The following HNMT variants were observed in gnomAD, a reference collection of about 807,000 sequenced individuals.
HNMT encodes the protein histamine N-methyltransferase.
Under a neutral mutation model 32.1 loss-of-function variants are expected in HNMT, and 30 were observed. The ratio of observed to expected loss-of-function variants is 0.93; its 90% CI spans 0.70 to 1.27. HNMT has a LOEUF of 1.27. Among genes scored for constraint, HNMT ranks in the 50% most tolerant of loss-of-function variants. HNMT has a pLI of 0.00. For missense variants in HNMT, 327 were observed against 346.0 expected (o/e 0.95, Z 0.43); for synonymous variants, 125 against 119.0 (o/e 1.05, Z -0.33).
intron 2 of HNMT, among the ~76,000 whole-genome samples, chr2:137,993,146 C>T (rs1239084431): frequency 6.6e-6 from 1 of 152,068 alleles, no homozygotes; most frequent in African/African-American, 2.4e-5. Flanking sequence ...TGCCTTTTGT[C>T]CTCCAAATGA....
intron 2 of HNMT, among the ~76,000 whole-genome samples, chr2:137,994,695 A>C (rs890393604): frequency 6.6e-6 from 1 of 152,198 alleles, no homozygotes. Context: ...AAACCTCTGT[A>C]CCCCAAATCA....
chr2:137,964,643 G>A lies in HNMT; in HGVS notation c.137+15G>A. 1.2e-6 allele frequency: 2 copies of A among 1,613,304 alleles called. No individual in the cohort carries two copies. The highest frequency in any genetic ancestry group is 1.1e-5 in the South Asian group (1 of 91,030). On this transcript the variant is annotated intron_variant, in intron 1 of 5. Coordinates refer to ENST00000280097, the MANE Select transcript of HNMT (RefSeq NM_006895.3). ...ATAATAGGAAGGTAACAAAAGGGACGTTGTTGTCAAAGGGACAAGCCTCAG... is the reference window on the plus strand; with the variant it reads ...ATAATAGGAAGGTAACAAAAGGGACATTGTTGTCAAAGGGACAAGCCTCAG...
At chr2:138,013,638 C>A in intron 5 of HNMT, 137 bp from the exon 6 acceptor site, 1 of 638,054 alleles carries the variant, frequency 1.6e-6, no homozygotes. Flanking sequence ...CTCTCTCCTC[C>A]TGTACTCCTT....
intron 2 of HNMT, among the ~76,000 whole-genome samples, chr2:137,995,592 G>C (rs546243690): frequency 6.6e-6 from 1 of 152,158 alleles, no homozygotes; most frequent in Admixed American, 6.6e-5. Flanking sequence ...GAAATACAAA[G>C]AGGAGCTGGT....
At position 137,997,534 on chromosome 2, in the gene HNMT, C is replaced by A. The variant is rs114095672; in HGVS notation, c.191-3384C>A. Among the ~76,000 whole-genome samples the A allele has an allele frequency of 3.3e-3, 504 of 152,178 alleles. 4 individuals are homozygous for A. The highest frequency in any genetic ancestry group is 4.7e-3 in the Non-Finnish European group (318 of 67,984). On this transcript the variant is annotated intron_variant, in intron 2 of 5. Transcript: ENST00000280097. ...AACATCAGGAAACAATAGATGCTGG[C>A]AAAGCCGTGGAGAGATAGGAGCACT...
At chr2:137,969,149 C>T (rs1316915690) in intron 1 of HNMT, among the ~76,000 whole-genome samples, 1 of 152,204 alleles carries the variant, frequency 6.6e-6, no homozygotes, top group African/African-American at 2.4e-5. Context: ...CGGGCTTTCT[C>T]TGCCTCCAAT....
At chr2:137,969,584 G>T (rs969442788) in intron 1 of HNMT, among the ~76,000 whole-genome samples, 13 of 151,992 alleles carry the variant, frequency 8.6e-5, no homozygotes, top group Admixed American at 2.0e-4. Context: ...CTAACAGCAA[G>T]TCCTACTGGC....
chr2:137,971,934 A>G lies in HNMT; in HGVS notation c.190+1717A>G, dbSNP rs115426636. ...ATAGTTCAGTAATGGTTACAACTCG[A>G]TATCAAGTGGACACTATTGTCACTT... On this transcript the variant is annotated intron_variant, in intron 2 of 5. Coordinates refer to ENST00000280097, the MANE Select transcript of HNMT (RefSeq NM_006895.3). 5.9e-3 allele frequency among the ~76,000 whole-genome samples: 898 copies of G among 152,278 alleles called. 8 individuals are homozygous for G. Among genetic ancestry groups the G allele is most frequent in the African/African-American group, 0.021 (862 of 41,558 alleles).
intron 5 of HNMT, among the ~76,000 whole-genome samples, chr2:138,009,067 C>A (rs1199088006): frequency 6.6e-6 from 1 of 151,756 alleles, no homozygotes; most frequent in Non-Finnish European, 1.5e-5. Context: ...GAGAAACAAC[C>A]CCATTAAAAC....
At chr2:137,995,448 C>G (rs1367595780) in intron 2 of HNMT, among the ~76,000 whole-genome samples, 1 of 152,096 alleles carries the variant, frequency 6.6e-6, no homozygotes, top group Non-Finnish European at 1.5e-5. Context: ...CACATACACC[C>G]TACTAAGACT....
chr2:137,978,999 T>C (rs1225675440), intron 2 of HNMT, among the ~76,000 whole-genome samples: 2 of 141,840 alleles, frequency 1.4e-5, no homozygotes, highest in Non-Finnish European at 3.0e-5. Context: ...TGGTAATACA[T>C]TATATAATAT....
intron 2 of HNMT, among the ~76,000 whole-genome samples, chr2:137,987,078 A>G (rs1316709866): frequency 2.0e-5 from 3 of 152,206 alleles, no homozygotes; most frequent in African/African-American, 4.8e-5. Context: ...TTATTTCTCT[A>G]TTTGTCACAG....
At chr2:137,991,357 G>GA (rs1680809744) in intron 2 of HNMT, among the ~76,000 whole-genome samples, 1 of 152,228 alleles carries the variant, frequency 6.6e-6, no homozygotes, top group African/African-American at 2.4e-5. Flanking sequence ...GGCTGAGTGG[G>GA]AAAACCCAGT....
intron 2 of HNMT, among the ~76,000 whole-genome samples, chr2:137,984,844 C>G (rs1431573802): frequency 6.6e-6 from 1 of 151,794 alleles, no homozygotes; most frequent in African/African-American, 2.4e-5. Flanking sequence ...TTATATTTTC[C>G]CATTTTGTAG....
intron 1 of HNMT, among the ~76,000 whole-genome samples, chr2:137,968,690 A>G (rs1028735530): frequency 8.6e-5 from 13 of 151,532 alleles, no homozygotes; most frequent in African/African-American, 2.4e-4. Flanking sequence ...ATAGAAATGG[A>G]TGTGTTAGGA....
At chr2:137,978,776 A>G (rs569599343) in intron 2 of HNMT, among the ~76,000 whole-genome samples, 2 of 139,674 alleles carry the variant, frequency 1.4e-5, no homozygotes, top group South Asian at 4.6e-4. Flanking sequence ...ATAATATAGT[A>G]TTATATAATA....
intron 2 of HNMT, among the ~76,000 whole-genome samples, chr2:137,994,720 C>T (rs916378626): frequency 6.6e-6 from 1 of 152,202 alleles, no homozygotes; most frequent in Non-Finnish European, 1.5e-5. Context: ...AATATACATT[C>T]TTCGCAATGC....
chr2:138,013,704 A>G (rs1681577852), intron 5 of HNMT, 71 bp from the exon 6 acceptor site: 1 of 1,099,738 alleles, frequency 9.1e-7, no homozygotes, highest in South Asian at 1.5e-5. Context: ...CTAAGCATCT[A>G]GTGTACTTTC....
intron 3 of HNMT, 54 bp downstream of exon 3, chr2:138,001,079 C>A: frequency 2.3e-6 from 2 of 867,668 alleles, no homozygotes; most frequent in South Asian, 1.6e-5. Context: ...AGACTTAACT[C>A]AAATTGTTCC....
Sources: gnomAD v4.1 joint callset for allele counts (sites outside exome capture counted in the v4.1 genomes callset) on GRCh38, gnomAD v4.1.1 for gene constraint, MANE v1.5 for transcripts, NCBI Gene and HGNC (gene_info 2026-07-23, HGNC 2026-07-21) for gene names.